CDH13: variants seen among roughly 807,000 people sequenced by gnomAD.
CDH13 encodes the protein cadherin 13, also known as cadherin-13.
CDH13 carries 24 observed loss-of-function variants against 63.8 expected under a neutral mutation model. The ratio of observed to expected loss-of-function variants is 0.38; its 90% CI spans 0.27 to 0.53. The LOEUF (loss-of-function observed/expected upper bound fraction) is 0.53. Ranked by LOEUF, CDH13 falls within the 20% of genes least tolerant of loss-of-function variation. The probability of loss-of-function intolerance (pLI) is 0.85; values close to 1 mark genes in which losing one functional copy is unlikely to be tolerated. For synonymous variants in CDH13, 503 were observed against 355.3 expected (o/e 1.42, Z -4.67); for missense variants, 1,049 against 903.1 (o/e 1.16, Z -2.07).
At chr16:82,977,254 G>T (rs1182881622) in intron 2 of CDH13, among the ~76,000 whole-genome samples, 1 of 152,100 alleles carries the variant, frequency 6.6e-6, no homozygotes, top group Non-Finnish European at 1.5e-5. Context: ...GGACAACACT[G>T]GGATGAGTAA....
At chr16:82,863,923 T>TA (rs2040034541) in intron 2 of CDH13, among the ~76,000 whole-genome samples, 1 of 152,218 alleles carries the variant, frequency 6.6e-6, no homozygotes, top group Non-Finnish European at 1.5e-5. Flanking sequence ...ATGAATTTTT[T>TA]AAAAGTAAGT....
At chr16:82,921,462 G>C (rs1241168325) in intron 2 of CDH13, among the ~76,000 whole-genome samples, 1 of 152,094 alleles carries the variant, frequency 6.6e-6, no homozygotes, top group African/African-American at 2.4e-5. Context: ...TAAGAAAACA[G>C]TGCTGGCATT....
chr16:83,514,751 C>T (rs1045719645), intron 7 of CDH13, among the ~76,000 whole-genome samples: 1 of 152,092 alleles, frequency 6.6e-6, no homozygotes, highest in Non-Finnish European at 1.5e-5. Flanking sequence ...GTCTATAAAC[C>T]AAGAAATACC....
intron 5 of CDH13, among the ~76,000 whole-genome samples, chr16:83,252,784 G>C (rs1029184139): frequency 1.3e-5 from 2 of 152,082 alleles, no homozygotes. Flanking sequence ...ACCGTTCACA[G>C]CACAGCCTGC....
At chr16:83,065,079 C>T (rs1018538596) in intron 3 of CDH13, among the ~76,000 whole-genome samples, 1 of 152,068 alleles carries the variant, frequency 6.6e-6, no homozygotes, top group Admixed American at 6.6e-5. Flanking sequence ...ATTTGATTTC[C>T]CATACAAGTG....
rs369123902 is a variant in CDH13 at position 83,388,302 on chromosome 16, A to AAAAT, written c.781+43296_781+43297insAAAT. Among the ~76,000 whole-genome samples the AAAAT allele has an allele frequency of 1.9e-3, 288 of 149,810 alleles. 5 individuals carry two copies. In the East Asian group the frequency reaches 0.041, roughly 21 times the overall value. On this transcript the variant is annotated intron_variant, in intron 6 of 13. Coordinates refer to ENST00000567109, the MANE Select transcript of CDH13 (RefSeq NM_001257.5). ...TCTCTGGAAAAAAAAAAAAAAAAAAATGTTAGCCAGGCATGGTGGTAATGC... is the reference window on the plus strand; with the variant it reads ...TCTCTGGAAAAAAAAAAAAAAAAAAAAAATTGTTAGCCAGGCATGGTGGTAATGC...
At chr16:83,306,021 A>G (rs904570710) in intron 5 of CDH13, among the ~76,000 whole-genome samples, 7 of 152,300 alleles carry the variant, frequency 4.6e-5, no homozygotes, top group Non-Finnish European at 7.3e-5. Flanking sequence ...TGTGCACTAC[A>G]GAATATTCAG....
At chr16:82,814,950 A>C (rs959304048) in intron 1 of CDH13, among the ~76,000 whole-genome samples, 6 of 152,028 alleles carry the variant, frequency 3.9e-5, no homozygotes, top group African/African-American at 1.5e-4. Flanking sequence ...TTGGGGAAAA[A>C]CCCACTCATA....
At chr16:82,849,407 C>G (rs539085146) in intron 1 of CDH13, among the ~76,000 whole-genome samples, 1 of 152,102 alleles carries the variant, frequency 6.6e-6, no homozygotes, top group East Asian at 1.9e-4. Flanking sequence ...GAGGCCAAGG[C>G]AGGAGAATCG....
intron 6 of CDH13, among the ~76,000 whole-genome samples, chr16:83,389,989 A>C (rs2091754496): frequency 6.6e-6 from 1 of 152,238 alleles, no homozygotes; most frequent in South Asian, 2.1e-4. Context: ...GTGATAAGAA[A>C]GTCAACTTGG....
rs530870485 is a variant in CDH13 at position 83,575,212 on chromosome 16, T to C, written c.961-27242T>C. On this transcript the variant is annotated intron_variant, in intron 7 of 13. Transcript: ENST00000567109. ...TTTCTTTGGGGTGATGAAAATGTTC[T>C]AAAATCAATTATGGTGATGGTGATG... 3.3e-5 allele frequency among the ~76,000 whole-genome samples: 5 copies of C among 152,354 alleles called. No homozygotes were observed. The East Asian group carries it at 9.6e-4, about 29-fold the overall frequency.
Position 82,862,372 on chromosome 16 carries a change from G to A in CDH13, c.157+3899G>A, listed in dbSNP as rs145586705. ...TATGTTCTGCAAAATTATAAAACAGGATAGTCTGCTTTGATACCATCAGCT... is the reference window on the plus strand; with the variant it reads ...TATGTTCTGCAAAATTATAAAACAGAATAGTCTGCTTTGATACCATCAGCT... On this transcript the variant is annotated intron_variant, in intron 2 of 13. Coordinates refer to ENST00000567109, the MANE Select transcript of CDH13 (RefSeq NM_001257.5). Among the ~76,000 whole-genome samples, 693 of 152,290 alleles carry A rather than the reference G, an allele frequency of 4.6e-3. 6 individuals carry two copies. Among genetic ancestry groups the A allele is most frequent in the African/African-American group, 0.016 (669 of 41,566 alleles).
intron 3 of CDH13, among the ~76,000 whole-genome samples, chr16:83,101,727 G>A (rs925699803): frequency 1.3e-5 from 2 of 152,230 alleles, no homozygotes; most frequent in East Asian, 3.8e-4. Flanking sequence ...CTGGGAGGCA[G>A]AGGTTGCAGT....
intron 7 of CDH13, among the ~76,000 whole-genome samples, chr16:83,499,763 A>AAAGAAACT: frequency 6.6e-6 from 1 of 151,930 alleles, no homozygotes; most frequent in Non-Finnish European, 1.5e-5. Flanking sequence ...GTTTGGGTGC[A>AAAGAAACT]GTGGCCACAT....
At chr16:83,059,688 A>C (rs2031319105) in intron 3 of CDH13, among the ~76,000 whole-genome samples, 1 of 151,820 alleles carries the variant, frequency 6.6e-6, no homozygotes, top group Non-Finnish European at 1.5e-5. Context: ...CATGACACAC[A>C]TCACATCTGC....
intron 7 of CDH13, among the ~76,000 whole-genome samples, chr16:83,509,803 T>TG (rs2074514397): frequency 6.6e-6 from 1 of 152,192 alleles, no homozygotes; most frequent in Non-Finnish European, 1.5e-5. Context: ...TTTTGTGGAT[T>TG]CTCATTTAAT....
chr16:83,117,583 C>T (rs2035366394), intron 3 of CDH13, among the ~76,000 whole-genome samples: 1 of 152,082 alleles, frequency 6.6e-6, no homozygotes, highest in Non-Finnish European at 1.5e-5. Flanking sequence ...GCACTTGCTT[C>T]TTTTAGGCAC....
At chr16:83,660,734 C>T (rs2098214665) in intron 8 of CDH13, among the ~76,000 whole-genome samples, 1 of 152,218 alleles carries the variant, frequency 6.6e-6, no homozygotes, top group Non-Finnish European at 1.5e-5. Flanking sequence ...ATTCTTCCTC[C>T]AGATTCAGAT....
intron 2 of CDH13, among the ~76,000 whole-genome samples, chr16:83,006,121 T>A (rs987334708): frequency 6.6e-6 from 1 of 152,230 alleles, no homozygotes; most frequent in South Asian, 2.1e-4. Flanking sequence ...AGCTCTCCTT[T>A]AACTCAAAGC....
Sources: allele counts gnomAD v4.1 joint callset (sites outside exome capture counted in the v4.1 genomes callset), GRCh38; gene constraint gnomAD v4.1.1; transcripts MANE v1.5; gene names NCBI Gene and HGNC (gene_info 2026-07-23, HGNC 2026-07-21).